ANKFN1: variants seen among roughly 807,000 people sequenced by gnomAD.
ANKFN1 encodes the protein ankyrin repeat and fibronectin type-III domain-containing protein 1.
Under a neutral mutation model 108.7 loss-of-function variants are expected in ANKFN1, and 74 were observed. That is an observed-to-expected ratio of 0.68 (90% CI 0.56 to 0.83). The LOEUF (loss-of-function observed/expected upper bound fraction) is 0.83. Among genes scored for constraint, ANKFN1 ranks in the 40% least tolerant of loss-of-function variants. ANKFN1 has a pLI of 0.00. For missense variants in ANKFN1, 1,505 were observed against 1,382.3 expected, an observed-to-expected ratio of 1.09 and a Z score of -1.41; for synonymous variants, 547 against 516.2, an observed-to-expected ratio of 1.06 and a Z score of -0.81.
intron 3 of ANKFN1, among the ~76,000 whole-genome samples, chr17:56,301,768 C>T (rs759924167): frequency 1.3e-5 from 2 of 152,210 alleles, no homozygotes; most frequent in Non-Finnish European, 2.9e-5. Context: ...GTCTGTAGAA[C>T]ATGAACACCG....
chr17:56,323,415 C>G (rs2045425195), intron 3 of ANKFN1: 1 of 152,570 alleles, frequency 6.6e-6, no homozygotes, highest in South Asian at 2.1e-4. Context: ...AATCAAGCAT[C>G]AAATAATTGC....
At chr17:56,066,773 C>T (rs1478542188) in intron 4 of ANKFN1, among the ~76,000 whole-genome samples, 1 of 152,180 alleles carries the variant, frequency 6.6e-6, no homozygotes, top group Admixed American at 6.5e-5. Context: ...ATTCTACTTT[C>T]TTGCTCTGAA....
intron 1 of ANKFN1, among the ~76,000 whole-genome samples, chr17:56,179,741 A>G (rs1327106248): frequency 6.6e-6 from 1 of 152,204 alleles, no homozygotes; most frequent in Admixed American, 6.5e-5. Context: ...TTGTCTACCT[A>G]CATAGGAGTT....
At chr17:56,086,208 A>T (rs1226022693) in intron 4 of ANKFN1, among the ~76,000 whole-genome samples, 1 of 150,890 alleles carries the variant, frequency 6.6e-6, no homozygotes, top group Non-Finnish European at 1.5e-5. Flanking sequence ...GGAGTTCAAG[A>T]CCTACCTGGC....
rs192277029 is a variant in ANKFN1 at position 56,145,745 on chromosome 17, C to A, written c.289-82172C>A. Among the ~76,000 whole-genome samples, 58 of 152,270 alleles carry A rather than the reference C, an allele frequency of 3.8e-4. 2 individuals are homozygous for A. Among genetic ancestry groups the A allele is most frequent in the Admixed American group, 3.1e-3 (48 of 15,306 alleles). ...ATCTCCTGTCCTCACATTTCAAAACCAATCATGCGTTCCCAACAGTCCTCC... is the reference window on the plus strand; with the variant it reads ...ATCTCCTGTCCTCACATTTCAAAACAAATCATGCGTTCCCAACAGTCCTCC... On this transcript the variant is annotated intron_variant, in intron 4 of 12. Transcript: ENST00000635860.
chr17:56,382,421 C>T (rs1260343075), intron 8 of ANKFN1, among the ~76,000 whole-genome samples: 6 of 152,174 alleles, frequency 3.9e-5, no homozygotes, highest in African/African-American at 7.2e-5. Flanking sequence ...ACTGCATCAA[C>T]TAACGAGCAA....
At chr17:56,330,385 C>G (rs1421667586) in intron 4 of ANKFN1, among the ~76,000 whole-genome samples, 1 of 152,088 alleles carries the variant, frequency 6.6e-6, no homozygotes, top group Non-Finnish European at 1.5e-5. Context: ...GGAAACCGCC[C>G]CCACGATTCA....
In ANKFN1 at chr17:56,159,554, T is replaced by C. The variant is rs548652525; in HGVS notation, c.-71+6024T>C. Among the ~76,000 whole-genome samples, 4 of 152,348 alleles carry C rather than the reference T, an allele frequency of 2.6e-5. No homozygotes were observed. In the East Asian group the frequency reaches 5.8e-4, roughly 22 times the overall value. ...ATAATTTTGTTCCCATTTTATAAGA[T>C]GTTGACAAGTAATAACTGCTAAGTG... is the stretch of plus-strand genomic sequence containing the variant. On this transcript the variant is annotated intron_variant, in intron 1 of 20. Coordinates refer to ENST00000682825, the MANE Select transcript of ANKFN1 (RefSeq NM_001370326.1).
At chr17:56,183,458 G>A (rs544095371) in intron 1 of ANKFN1, among the ~76,000 whole-genome samples, 2 of 152,240 alleles carry the variant, frequency 1.3e-5, no homozygotes, top group Non-Finnish European at 2.9e-5. Flanking sequence ...TGGATCATGC[G>A]GGCAGATCCC....
chr17:56,122,358 G>A (rs544671236), intron 4 of ANKFN1, among the ~76,000 whole-genome samples: 5 of 152,200 alleles, frequency 3.3e-5, no homozygotes, highest in South Asian at 2.1e-4. Context: ...GGAAGGAAAC[G>A]TGCCTGAGAT....
Position 56,143,128 on chromosome 17 carries a change from G to C in ANKFN1, c.289-84789G>C, listed in dbSNP as rs143498182. Among the ~76,000 whole-genome samples the C allele has an allele frequency of 3.4e-4, 52 of 152,282 alleles. 1 individual carries two copies. In the East Asian group the frequency reaches 9.7e-3, roughly 28 times the overall value. On this transcript the variant is annotated intron_variant, in intron 4 of 12. Transcript: ENST00000635860. ...AGAACAATTAGGGGTGGGGTTGGGG[G>C]GTAGTTTGGGGCTTTTTTATGTTTA...
At position 56,390,403 on chromosome 17, in the gene ANKFN1, T is replaced by C. The variant is rs185859833; in HGVS notation, c.910+15689T>C. Reference sequence around the variant, plus strand: ...CATTCTTTTTTATGGCTGCATAGTATTCCATGGTGTATATGTGCCACATTT... The same window carrying C: ...CATTCTTTTTTATGGCTGCATAGTACTCCATGGTGTATATGTGCCACATTT... On this transcript the variant is annotated intron_variant, in intron 8 of 20. Transcript: ENST00000682825. 2.0e-5 allele frequency among the ~76,000 whole-genome samples: 3 copies of C among 152,318 alleles called. No homozygotes were observed. In the East Asian group the frequency reaches 5.8e-4, roughly 29 times the overall value.
chr17:56,500,868 G>A (rs2051347482), intron 20 of ANKFN1, among the ~76,000 whole-genome samples: 1 of 152,172 alleles, frequency 6.6e-6, no homozygotes, highest in African/African-American at 2.4e-5. Flanking sequence ...TGCTCCCATA[G>A]AGCATACTTA....
intron 4 of ANKFN1, among the ~76,000 whole-genome samples, chr17:56,048,321 A>C (rs1904715083): frequency 6.6e-6 from 1 of 152,152 alleles, no homozygotes; most frequent in Non-Finnish European, 1.5e-5. Flanking sequence ...GGGGGGATGA[A>C]TTCTTAACAT....
intron 4 of ANKFN1, among the ~76,000 whole-genome samples, chr17:56,065,048 A>G (rs1393667910): frequency 2.0e-5 from 3 of 152,140 alleles, no homozygotes; most frequent in African/African-American, 7.2e-5. Flanking sequence ...GCAGCTGCCT[A>G]GTCAGTTCTG....
chr17:56,360,592 A>T (rs1179032567), intron 6 of ANKFN1, among the ~76,000 whole-genome samples: 1 of 152,200 alleles, frequency 6.6e-6, no homozygotes, highest in Non-Finnish European at 1.5e-5. Context: ...TAGACACTCA[A>T]CTGAATTTAA....
chr17:56,060,721 G>A (rs1156444899), intron 4 of ANKFN1, among the ~76,000 whole-genome samples: 1 of 152,184 alleles, frequency 6.6e-6, no homozygotes, highest in African/African-American at 2.4e-5. Context: ...CTGTTTATGT[G>A]ATGGATTACA....
At chr17:56,470,556 A>G (rs192354369) in intron 15 of ANKFN1, among the ~76,000 whole-genome samples, 1 of 152,350 alleles carries the variant, frequency 6.6e-6, no homozygotes, top group African/African-American at 2.4e-5. Flanking sequence ...GACCTCTGGT[A>G]ATGGCCTAAT....
rs201162209 is a variant in ANKFN1, at chr17:56,261,445, TA to T, written c.53+33489del. Among the ~76,000 whole-genome samples, 168 of 152,264 alleles carry T rather than the reference TA, an allele frequency of 1.1e-3. 4 individuals are homozygous for T. The East Asian group carries it at 0.029, about 26-fold the overall frequency. On this transcript the variant is annotated intron_variant, in intron 3 of 20. Transcript: ENST00000682825. ...GGACAGGACTAATAGGATAAATGTA[TA>T]TATGAAAGGGAGTTTATTAAGGAGT...
Sources: allele counts gnomAD v4.1 joint callset (sites outside exome capture counted in the v4.1 genomes callset), GRCh38; gene constraint gnomAD v4.1.1; transcripts MANE v1.5; gene names NCBI Gene and HGNC (gene_info 2026-07-23, HGNC 2026-07-21).